The following TUSC3 variants were observed in gnomAD, a reference collection of about 807,000 sequenced individuals.
TUSC3 encodes tumor suppressor candidate 3.
In TUSC3, 45 loss-of-function variants were observed where a neutral mutation model predicts 44.8. That is an observed-to-expected ratio of 1.00 (90% CI 0.79 to 1.29). TUSC3 has a LOEUF of 1.29. Among genes scored for constraint, TUSC3 ranks in the 50% most tolerant of loss-of-function variants. The pLI is 0.00. For synonymous variants in TUSC3, 212 were observed against 152.9 expected, an observed-to-expected ratio of 1.39 and a Z score of -2.85; for missense variants, 519 against 437.9, an observed-to-expected ratio of 1.19 and a Z score of -1.65.
At chr8:15,595,159 T>C (rs1328089287) in intron 1 of TUSC3, among the ~76,000 whole-genome samples, 1 of 152,170 alleles carries the variant, frequency 6.6e-6, no homozygotes, top group Admixed American at 6.6e-5. Flanking sequence ...AAAGCTGGGC[T>C]CTTAAGGCCG....
At chr8:15,692,399 T>TTG (rs1808955412) in intron 6 of TUSC3, among the ~76,000 whole-genome samples, 1 of 112,806 alleles carries the variant, frequency 8.9e-6, no homozygotes, top group East Asian at 2.8e-4. Context: ...TTTTTTTTTT[T>TTG]GCAATAGTTT....
chr8:15,804,177 G>T, the TUSC3 span, among the ~76,000 whole-genome samples: 1 of 152,170 alleles, frequency 6.6e-6, no homozygotes, highest in African/African-American at 2.4e-5. Flanking sequence ...CAGTGTAAAA[G>T]TGTTCCTATT....
At chr8:15,619,515 G>A (rs527427404) in intron 1 of TUSC3, among the ~76,000 whole-genome samples, 110 of 149,766 alleles carry the variant, frequency 7.3e-4, no homozygotes, top group African/African-American at 2.5e-3. Context: ...TTTTCCAGTC[G>A]AAGTCTGTCT....
At chr8:15,563,052 T>A (rs2129140681) in intron 1 of TUSC3, among the ~76,000 whole-genome samples, 1 of 152,268 alleles carries the variant, frequency 6.6e-6, no homozygotes, top group East Asian at 1.9e-4. Context: ...TTATGCCTAC[T>A]AAAGTGGGCA....
At chr8:15,838,925 T>C in the TUSC3 span, among the ~76,000 whole-genome samples, 4,151 of 152,256 alleles carry the variant, frequency 0.027, 138 homozygotes, top group East Asian at 0.081. Flanking sequence ...GGGGATGGCA[T>C]TGAATCTATA....
At chr8:15,574,807 G>A (rs1332029423) in intron 1 of TUSC3, among the ~76,000 whole-genome samples, 3 of 152,018 alleles carry the variant, frequency 2.0e-5, no homozygotes, top group African/African-American at 7.2e-5. Flanking sequence ...GTTCAAATGG[G>A]TTTTTATCCA....
chr8:15,790,072 T>C, the TUSC3 span, among the ~76,000 whole-genome samples: 1,186 of 152,192 alleles, frequency 7.8e-3, 18 homozygotes, highest in African/African-American at 0.028. Flanking sequence ...CTTTTAATTA[T>C]TTGCAAGTTA....
intron 1 of TUSC3, among the ~76,000 whole-genome samples, chr8:15,596,307 G>A (rs1218009599): frequency 6.6e-6 from 1 of 152,088 alleles, no homozygotes; most frequent in African/African-American, 2.4e-5. Context: ...AAAATTATTT[G>A]GAACTTCAGT....
At chr8:15,719,171 TCA>T (rs1810192794) in intron 6 of TUSC3, among the ~76,000 whole-genome samples, 1 of 152,096 alleles carries the variant, frequency 6.6e-6, no homozygotes, top group South Asian at 2.1e-4. Context: ...CTTTTATGAC[TCA>T]CCATGTAATT....
intron 7 of TUSC3, among the ~76,000 whole-genome samples, chr8:15,739,522 C>A (rs571308186): frequency 6.6e-6 from 1 of 152,042 alleles, no homozygotes; most frequent in African/African-American, 2.4e-5. Flanking sequence ...TATATTGTTA[C>A]TGCATTTGCT....
chr8:15,606,065 C>T (rs1442682051), intron 1 of TUSC3, among the ~76,000 whole-genome samples: 2 of 151,878 alleles, frequency 1.3e-5, no homozygotes, highest in Non-Finnish European at 2.9e-5. Context: ...TGAATAACAC[C>T]ATGGGACGCA....
At chr8:15,604,455 G>T (rs1804432858) in intron 1 of TUSC3, among the ~76,000 whole-genome samples, 1 of 151,480 alleles carries the variant, frequency 6.6e-6, no homozygotes, top group African/African-American at 2.4e-5. Flanking sequence ...GTGCTTTTCT[G>T]CATTAAAATA....
chr8:15,485,062 C>G (rs1176906336), intron 2 of TUSC3, among the ~76,000 whole-genome samples: 1 of 152,122 alleles, frequency 6.6e-6, no homozygotes, highest in Non-Finnish European at 1.5e-5. Context: ...ATTCATTTTT[C>G]ATTTGCACTT....
At chr8:15,774,379 C>A in the TUSC3 span, among the ~76,000 whole-genome samples, 1 of 151,920 alleles carries the variant, frequency 6.6e-6, no homozygotes, top group Non-Finnish European at 1.5e-5. Flanking sequence ...TTACTGGTGC[C>A]CTTGTAAGAA....
At chr8:15,651,845 T>A (rs1239222015) in intron 3 of TUSC3, among the ~76,000 whole-genome samples, 1 of 152,224 alleles carries the variant, frequency 6.6e-6, no homozygotes, top group East Asian at 1.9e-4. Flanking sequence ...ATCATCGATG[T>A]TGTCATGGTT....
intron 2 of TUSC3, among the ~76,000 whole-genome samples, chr8:15,487,764 T>C (rs1334015393): frequency 1.3e-5 from 2 of 152,230 alleles, no homozygotes; most frequent in Non-Finnish European, 2.9e-5. Context: ...TTTTCTAAAT[T>C]CTATCTCCCA....
At chr8:15,452,285 G>T (rs1800204658) in intron 1 of TUSC3, among the ~76,000 whole-genome samples, 2 of 152,100 alleles carry the variant, frequency 1.3e-5, no homozygotes, top group African/African-American at 4.8e-5. Flanking sequence ...TAAACCTGTT[G>T]AATGTGTTGA....
chr8:15,829,784 T>C, the TUSC3 span, among the ~76,000 whole-genome samples: 3 of 152,134 alleles, frequency 2.0e-5, no homozygotes, highest in African/African-American at 7.2e-5. Flanking sequence ...GTTTTAGATA[T>C]AATTATTTCT....
At chr8:15,672,563 C>T (rs1585214635) in intron 5 of TUSC3, among the ~76,000 whole-genome samples, 1 of 152,044 alleles carries the variant, frequency 6.6e-6, no homozygotes, top group East Asian at 1.9e-4. Flanking sequence ...AGCCTCCATT[C>T]CCAAGTATTA....
Sources: allele counts gnomAD v4.1 joint callset (sites outside exome capture counted in the v4.1 genomes callset), GRCh38; gene constraint gnomAD v4.1.1; transcripts MANE v1.5; gene names NCBI Gene and HGNC (gene_info 2026-07-23, HGNC 2026-07-21).